SLC39A8: variants seen among roughly 807,000 people sequenced by gnomAD.
SLC39A8 encodes the protein metal cation symporter ZIP8.
In SLC39A8, 15 loss-of-function variants were observed where a neutral mutation model predicts 40.4. The observed-to-expected ratio is 0.37, with a 90% confidence interval of 0.25 to 0.57. The LOEUF (loss-of-function observed/expected upper bound fraction) is 0.57, where lower values mean the gene tolerates loss of function less well. SLC39A8 is among the 20% of genes least tolerant of loss of function. The probability of loss-of-function intolerance (pLI) is 0.75; values close to 1 mark genes in which losing one functional copy is unlikely to be tolerated. For missense variants in SLC39A8, 472 were observed against 558.8 expected (o/e 0.84, Z 1.57); for synonymous variants, 223 against 221.6 (o/e 1.01, Z -0.06).
intron 6 of SLC39A8, among the ~76,000 whole-genome samples, chr4:102,268,971 A>G (rs151401): frequency 0.18 from 26,794 of 152,122 alleles, 2,655 homozygotes; most frequent in Non-Finnish European, 0.23. Context: ...TTAACTGGAG[A>G]ACATTTTATT....
At chr4:102,303,541 C>T (rs1734006454) in intron 6 of SLC39A8, among the ~76,000 whole-genome samples, 1 of 151,776 alleles carries the variant, frequency 6.6e-6, no homozygotes, top group African/African-American at 2.4e-5. Flanking sequence ...AAAAGATAGC[C>T]TACAGTGAAA....
chr4:102,305,160 G>C (rs1734115304), intron 4 of SLC39A8, 49 bp from the exon 5 acceptor site: 1 of 1,574,390 alleles, frequency 6.4e-7, no homozygotes, highest in Non-Finnish European at 8.6e-7. Context: ...AATTTAACTT[G>C]ATTTCTGGAA....
intron 6 of SLC39A8, among the ~76,000 whole-genome samples, chr4:102,280,671 G>A (rs1732831882): frequency 6.6e-6 from 1 of 152,168 alleles, no homozygotes; most frequent in Non-Finnish European, 1.5e-5. Context: ...ATCCTTTAAT[G>A]CATGTAACCA....
In SLC39A8 at chr4:102,262,285, C is replaced by G. The variant is rs978410320; in HGVS notation, c.*759G>C. ...TGAAACCGAGGTGTTACCAGCTTTACATACTGTTCTGCCATTTGTGAGGGG... is the reference window on the plus strand; with the variant it reads ...TGAAACCGAGGTGTTACCAGCTTTAGATACTGTTCTGCCATTTGTGAGGGG... On this transcript the variant is annotated 3_prime_UTR_variant, in exon 9 of 9. Coordinates refer to ENST00000356736, the MANE Select transcript of SLC39A8 (RefSeq NM_001135146.2). 24 of 985,618 alleles carry G rather than the reference C, an allele frequency of 2.4e-5. No homozygotes were observed. Among genetic ancestry groups the G allele is most frequent in the East Asian group, 1.1e-4 (1 of 8,966 alleles). The allele number at this position is 985,618 out of a possible 1,614,324, so 61.1% of individuals were successfully genotyped here.
chr4:102,280,143 C>T (rs1312470940), intron 6 of SLC39A8, among the ~76,000 whole-genome samples: 1 of 152,154 alleles, frequency 6.6e-6, no homozygotes, highest in Non-Finnish European at 1.5e-5. Context: ...GATCACTGTT[C>T]CACGTACAGT....
exon 12 of SLC39A8, chr4:102,253,379 A>T (rs114824667): frequency 7.0e-6 from 5 of 714,302 alleles, no homozygotes; most frequent in Non-Finnish European, 1.3e-5. Flanking sequence ...AGGTGCTGGT[A>T]TTGCAGAGAT....
intron 5 of SLC39A8, 25 bp from the exon 6 acceptor site, chr4:102,304,506 G>A: frequency 6.3e-7 from 1 of 1,579,412 alleles, no homozygotes; most frequent in Non-Finnish European, 8.6e-7. Flanking sequence ...AAACCAAAGA[G>A]ATTATAAGAA....
intron 2 of SLC39A8, among the ~76,000 whole-genome samples, chr4:102,328,772 TCCCAGCA>T (rs1735324376): frequency 6.6e-6 from 1 of 152,108 alleles, no homozygotes; most frequent in Admixed American, 6.5e-5. Flanking sequence ...ACGCCTGTAA[TCCCAGCA>T]CTTTGGGAGA....
chr4:102,260,382 G>A (rs1477120272), downstream of SLC39A8, among the ~76,000 whole-genome samples: 1 of 152,156 alleles, frequency 6.6e-6, no homozygotes, highest in Admixed American at 6.5e-5. Flanking sequence ...GACTAATTCT[G>A]GTCATTGAAT....
At chr4:102,337,704 A>G (rs1401837730) in intron 2 of SLC39A8, among the ~76,000 whole-genome samples, 1 of 152,190 alleles carries the variant, frequency 6.6e-6, no homozygotes, top group East Asian at 1.9e-4. Flanking sequence ...TTCCATTCTA[A>G]ACCGCCAGAA....
At chr4:102,260,651 TC>T (rs1731825114), downstream of SLC39A8, among the ~76,000 whole-genome samples, 1 of 152,236 alleles carries the variant, frequency 6.6e-6, no homozygotes. Flanking sequence ...CCTGCACTGC[TC>T]CTTCCACACT....
intron 6 of SLC39A8, among the ~76,000 whole-genome samples, chr4:102,281,515 G>A (rs1421073709): frequency 2.6e-5 from 4 of 152,266 alleles, no homozygotes; most frequent in African/African-American, 9.6e-5. Context: ...AGAAGATCTA[G>A]AAACACACGG....
chr4:102,251,918 T>A (rs1669485884), exon 12 of SLC39A8: 3 of 152,262 alleles, frequency 2.0e-5, no homozygotes, highest in Admixed American at 2.0e-4. Flanking sequence ...CTGATGTTTT[T>A]AAAATATCTG....
intron 6 of SLC39A8, among the ~76,000 whole-genome samples, chr4:102,277,138 G>A (rs907181048): frequency 1.3e-5 from 2 of 152,132 alleles, no homozygotes; most frequent in African/African-American, 2.4e-5. Context: ...GTTCTGGCCA[G>A]GGCAATCAGG....
chr4:102,315,865 TA>T, intron 2 of SLC39A8, 35 bp from the exon 3 acceptor site: 1 of 1,574,130 alleles, frequency 6.4e-7, no homozygotes, highest in Non-Finnish European at 8.7e-7. Flanking sequence ...AATGTGATAA[TA>T]ATGTGTAAAA....
At chr4:102,291,697 A>G (rs1453943653) in intron 6 of SLC39A8, among the ~76,000 whole-genome samples, 1 of 151,882 alleles carries the variant, frequency 6.6e-6, no homozygotes, top group African/African-American at 2.4e-5. Context: ...TATGCCCCTA[A>G]GGATGGGATG....
chr4:102,303,505 C>T (rs1033619254), intron 6 of SLC39A8, among the ~76,000 whole-genome samples: 3 of 151,900 alleles, frequency 2.0e-5, no homozygotes, highest in Admixed American at 2.0e-4. Context: ...TCAGGAACTG[C>T]TAGTGGCTAT....
At chr4:102,315,936 C>G in intron 2 of SLC39A8, 106 bp from the exon 3 acceptor site, 1 of 884,526 alleles carries the variant, frequency 1.1e-6, no homozygotes, top group Non-Finnish European at 1.6e-6. Context: ...GCACAGCACT[C>G]TTTATACAAA....
At position 102,304,412 on chromosome 4, in the gene SLC39A8, G is replaced by A; in HGVS notation, c.745C>T (p.Pro249Ser). 3 of 1,611,556 alleles carry A rather than the reference G, an allele frequency of 1.9e-6. No individual in the cohort carries two copies. The highest frequency in any genetic ancestry group is 2.5e-6 in the Non-Finnish European group (3 of 1,178,338). ...TAGCATGTCACACCATTGATGGCAGGTAATGCTTTAGGTTGATGAGTTTTT... is the reference window on the plus strand; with the variant it reads ...TAGCATGTCACACCATTGATGGCAGATAATGCTTTAGGTTGATGAGTTTTT... ...QEKTHQPKAL[P>S]AINGVTCYAN... Residue 249 changes from proline to serine, a missense_variant, in exon 6 of 9, where the codon CCT becomes TCT. By Grantham distance (74) the Pro-to-Ser change is moderately conservative. Transcript: ENST00000356736.
Sources: gnomAD v4.1 joint callset for allele counts (sites outside exome capture counted in the v4.1 genomes callset) on GRCh38, gnomAD v4.1.1 for gene constraint, MANE v1.5 for transcripts, NCBI Gene and HGNC (gene_info 2026-07-23, HGNC 2026-07-21) for gene names.